IL1RAPL1: variants seen among roughly 807,000 people sequenced by gnomAD.
The protein encoded by IL1RAPL1 is interleukin 1 receptor accessory protein like 1.
IL1RAPL1 carries 3 observed loss-of-function variants against 48.4 expected under a neutral mutation model. The ratio of observed to expected loss-of-function variants is 0.06; its 90% confidence interval spans 0.03 to 0.16. The LOEUF is 0.16. Ranked by LOEUF, IL1RAPL1 falls within the 10% of genes least tolerant of loss-of-function variation. The pLI, the probability that IL1RAPL1 is intolerant of heterozygous loss-of-function variation, is 1.00. For synonymous variants in IL1RAPL1, 185 were observed against 187.7 expected (o/e 0.99, Z 0.12); for missense variants, 349 against 530.6 (o/e 0.66, Z 3.36).
At position 29,707,106 on chromosome X, in the gene IL1RAPL1, C is replaced by A. The variant is rs147461704; in HGVS notation, c.778+38602C>A. Among the ~76,000 whole-genome samples, 711 of 110,772 alleles carry A rather than the reference C, an allele frequency of 6.4e-3. 7 individuals are homozygous for A. The highest frequency in any genetic ancestry group is 9.7e-3 in the Non-Finnish European group (513 of 52,931). On this transcript the variant is annotated intron_variant, in intron 6 of 10. Transcript: ENST00000378993. The stretch of plus-strand genomic sequence containing the variant: ...AACAAATCAGCGAGAAAAAAATAAT[C>A]CCATCAAAAAGTGGGCTAAGGACAT...
At chrX:28,722,071 A>G (rs759398899) in intron 1 of IL1RAPL1, among the ~76,000 whole-genome samples, 10 of 111,746 alleles carry the variant, frequency 8.9e-5, no homozygotes, top group Admixed American at 3.8e-4. Flanking sequence ...TTGACTTGGC[A>G]ATGCAGGCTC....
chrX:29,562,668 G>T (rs1397639289), intron 5 of IL1RAPL1, among the ~76,000 whole-genome samples: 2 of 111,594 alleles, frequency 1.8e-5, no homozygotes, highest in East Asian at 5.6e-4. Flanking sequence ...GAGAGTATTT[G>T]TACCTGTCAT....
At chrX:29,001,855 T>C (rs954094057) in intron 2 of IL1RAPL1, among the ~76,000 whole-genome samples, 2 of 109,544 alleles carry the variant, frequency 1.8e-5, no homozygotes, top group African/African-American at 6.6e-5. Flanking sequence ...CTATCAATAG[T>C]AGAATGGATA....
intron 3 of IL1RAPL1, among the ~76,000 whole-genome samples, chrX:29,318,299 G>A (rs775868414): frequency 2.7e-5 from 3 of 112,390 alleles, no homozygotes; most frequent in Non-Finnish European, 5.6e-5. Flanking sequence ...TTATGGAAAA[G>A]TGCAACATAA....
intron 2 of IL1RAPL1, among the ~76,000 whole-genome samples, chrX:29,049,230 G>A (rs1927041081): frequency 8.9e-6 from 1 of 112,217 alleles, no homozygotes; most frequent in African/African-American, 3.2e-5. Context: ...CTAACTCAAA[G>A]CAGTTTGCCA....
chrX:28,861,005 TTTTA>T (rs1266614126), intron 2 of IL1RAPL1, among the ~76,000 whole-genome samples: 1 of 111,525 alleles, frequency 9.0e-6, no homozygotes, highest in Non-Finnish European at 1.9e-5. Flanking sequence ...TGTTGTAAAT[TTTTA>T]TTTATTTAAT....
At chrX:29,329,409 G>C (rs1320947575) in intron 3 of IL1RAPL1, among the ~76,000 whole-genome samples, 1 of 111,750 alleles carries the variant, frequency 8.9e-6, no homozygotes, top group Non-Finnish European at 1.9e-5. Context: ...AACGTTCATA[G>C]CATTATTCAT....
chrX:29,538,753 T>C (rs1275996318), intron 5 of IL1RAPL1, among the ~76,000 whole-genome samples: 1 of 110,648 alleles, frequency 9.0e-6, no homozygotes, highest in Non-Finnish European at 1.9e-5. Flanking sequence ...TTACCTTAAG[T>C]GTATGATCAC....
rs770676566 is a variant in IL1RAPL1 at position 29,430,039 on chromosome X, A to G, written c.703+30731A>G. ...CTCAGCCTCCCAAAGTGCTGGGATT[A>G]TAGACATGAGCCACTGCATACAGTC... On this transcript the variant is annotated intron_variant, in intron 5 of 10. Transcript: ENST00000378993. 1.0e-4 allele frequency among the ~76,000 whole-genome samples: 11 copies of G among 108,027 alleles called. No individual in the cohort carries two copies. The South Asian group carries it at 4.6e-3, about 45-fold the overall frequency. The allele number at this position is 108,027 out of a possible 115,157, so 93.8% of individuals were successfully genotyped here. A position where few individuals can be genotyped will look rare whatever the true frequency, so the allele number is the denominator to read the frequency against.
chrX:29,876,920 A>T (rs947958974), intron 6 of IL1RAPL1, among the ~76,000 whole-genome samples: 1 of 111,997 alleles, frequency 8.9e-6, no homozygotes, highest in African/African-American at 3.2e-5. Context: ...GCACAAAGCA[A>T]CCTGCTCCAC....
At chrX:28,721,669 C>A (rs1326256049) in intron 1 of IL1RAPL1, among the ~76,000 whole-genome samples, 2 of 110,986 alleles carry the variant, frequency 1.8e-5, no homozygotes, top group African/African-American at 6.6e-5. Context: ...AGTCCTTGCC[C>A]GTGCCTATGT....
At chrX:29,779,412 A>G (rs945499583) in intron 6 of IL1RAPL1, among the ~76,000 whole-genome samples, 1 of 111,374 alleles carries the variant, frequency 9.0e-6, no homozygotes, top group African/African-American at 3.3e-5. Flanking sequence ...ACATGGACAT[A>G]AAGAAGGAAA....
intron 5 of IL1RAPL1, among the ~76,000 whole-genome samples, chrX:29,516,943 T>G (rs899816865): frequency 5.4e-5 from 6 of 111,893 alleles, no homozygotes; most frequent in African/African-American, 1.9e-4. Flanking sequence ...ATTTGTTTGC[T>G]CACTTTTATA....
intron 2 of IL1RAPL1, among the ~76,000 whole-genome samples, chrX:29,057,810 A>T (rs754751041): frequency 7.3e-4 from 82 of 111,938 alleles, no homozygotes; most frequent in African/African-American, 2.4e-3. Flanking sequence ...CATAGATCTG[A>T]GTAGAGACTT....
chrX:29,813,762 T>A (rs1435074646), intron 6 of IL1RAPL1, among the ~76,000 whole-genome samples: 1 of 110,675 alleles, frequency 9.0e-6, no homozygotes, highest in African/African-American at 3.3e-5. Flanking sequence ...CATCTGGTAA[T>A]CTGCAGTGTC....
chrX:29,444,750 C>T (rs955285731), intron 5 of IL1RAPL1, among the ~76,000 whole-genome samples: 6 of 111,637 alleles, frequency 5.4e-5, no homozygotes, highest in African/African-American at 2.0e-4. Flanking sequence ...ACGAGAGTCA[C>T]GAAACAGGTT....
intron 6 of IL1RAPL1, among the ~76,000 whole-genome samples, chrX:29,889,208 T>G (rs772487130): frequency 8.9e-6 from 1 of 112,067 alleles, no homozygotes; most frequent in East Asian, 2.8e-4. Context: ...AACTCATGTT[T>G]GAAATAAACT....
At chrX:28,848,464 G>A (rs1480440088) in intron 2 of IL1RAPL1, among the ~76,000 whole-genome samples, 1 of 109,552 alleles carries the variant, frequency 9.1e-6, no homozygotes, top group Middle Eastern at 4.7e-3. Context: ...TCTCAACTGT[G>A]TATTTTAAAG....
intron 1 of IL1RAPL1, among the ~76,000 whole-genome samples, chrX:28,657,689 A>G (rs1296820032): frequency 8.9e-6 from 1 of 112,373 alleles, no homozygotes; most frequent in Non-Finnish European, 1.9e-5. Context: ...TTGTTGGATT[A>G]TGGCAGTTGG....
Sources: allele counts gnomAD v4.1 joint callset (sites outside exome capture counted in the v4.1 genomes callset), GRCh38; gene constraint gnomAD v4.1.1; transcripts MANE v1.5; gene names NCBI Gene and HGNC (gene_info 2026-07-23, HGNC 2026-07-21).